KIZ: variants seen among roughly 807,000 people sequenced by gnomAD.
The protein encoded by KIZ is kizuna centrosomal protein.
In KIZ, 68 loss-of-function variants were observed where a neutral mutation model predicts 79.6. The observed-to-expected ratio is 0.85, with a 90% CI of 0.70 to 1.05. The LOEUF (loss-of-function observed/expected upper bound fraction) is 1.05, where lower values mean the gene tolerates loss of function less well. Among genes scored for constraint, KIZ ranks in the 50% least tolerant of loss-of-function variants. The probability of loss-of-function intolerance (pLI) is 0.00; values close to 1 mark genes in which losing one functional copy is unlikely to be tolerated. For missense variants in KIZ, 797 were observed against 800.4 expected (o/e 1.00, Z 0.05); for synonymous variants, 280 against 281.8 (o/e 0.99, Z 0.06).
At chr20:21,148,389 A>C (rs2032955973) in intron 4 of KIZ, among the ~76,000 whole-genome samples, 1 of 152,188 alleles carries the variant, frequency 6.6e-6, no homozygotes, top group African/African-American at 2.4e-5. Context: ...ATTTGCTTGC[A>C]TCCAGTAGTT....
chr20:21,127,978 G>A (rs1328416509), intron 1 of KIZ, among the ~76,000 whole-genome samples: 1 of 152,186 alleles, frequency 6.6e-6, no homozygotes, highest in East Asian at 1.9e-4. Flanking sequence ...ATTATTGTCT[G>A]TATCCAATTT....
chr20:21,131,183 G>C (rs1366830242), intron 1 of KIZ, among the ~76,000 whole-genome samples: 1 of 152,144 alleles, frequency 6.6e-6, no homozygotes, highest in Non-Finnish European at 1.5e-5. Context: ...CCAGCCCCCT[G>C]GTTTTGGCTG....
At position 21,246,557 on chromosome 20, in the gene KIZ, C is replaced by G; in HGVS notation, c.2003C>G (p.Ser668Cys). 1 of 1,606,826 alleles carries G rather than the reference C, an allele frequency of 6.2e-7. No homozygotes were observed. Among genetic ancestry groups the G allele is most frequent in the Non-Finnish European group, 8.5e-7 (1 of 1,173,928 alleles). The change falls in exon 13 of 13, where the codon TCT becomes TGT. Residue 668 changes from serine to cysteine, a missense_variant. By Grantham distance (112) the Ser-to-Cys change is moderately radical (BLOSUM62 -1). Coordinates refer to ENST00000619189, the MANE Select transcript of KIZ (RefSeq NM_018474.6). ...LRPRNHNTDD[S>C]DDFYD is the part of the protein sequence containing the mutation. ...CCCAGAAACCATAACACCGATGATT[C>G]TGATGATTTTTATGACTAACGTGCT... is the stretch of plus-strand genomic sequence containing the variant.
intron 5 of KIZ, 46 bp from the exon 6 acceptor site, chr20:21,162,804 C>T: frequency 1.3e-6 from 2 of 1,494,886 alleles, no homozygotes; most frequent in Non-Finnish European, 9.2e-7. Flanking sequence ...ACCTTGCTTC[C>T]TCCTGAAGTC....
At chr20:21,157,099 A>T (rs1467720598) in intron 4 of KIZ, among the ~76,000 whole-genome samples, 1 of 152,136 alleles carries the variant, frequency 6.6e-6, no homozygotes, top group Non-Finnish European at 1.5e-5. Context: ...TATAAATAAA[A>T]AAAAAATTGT....
rs2033753339 is a variant in KIZ at position 21,163,012 on chromosome 20, T to A, written c.1205T>A (p.Met402Lys). 1.2e-6 allele frequency: 2 copies of A among 1,613,762 alleles called. No individual in the cohort carries two copies. The highest frequency in any genetic ancestry group is 1.3e-5 in the African/African-American group (1 of 74,904). Residue 402 changes from methionine (M) to lysine (K), a missense_variant, in exon 6 of 13, where the codon ATG becomes AAG. Met to Lys is a moderately conservative substitution (Grantham distance 95). Coordinates refer to ENST00000619189, the MANE Select transcript of KIZ (RefSeq NM_018474.6). ...PEPQPNPGGK[M>K]EGEDGIEALK... The stretch of plus-strand genomic sequence containing the variant: ...CCACAGCCAAATCCAGGTGGCAAGA[T>A]GGAGGGAGAAGATGGAATAGAGGCC...
intron 6 of KIZ, among the ~76,000 whole-genome samples, chr20:21,182,088 C>G (rs1158901592): frequency 1.3e-5 from 2 of 152,142 alleles, no homozygotes; most frequent in African/African-American, 4.8e-5. Context: ...TTGTGTCCCT[C>G]TAAAATTCAT....
At chr20:21,209,598 A>C (rs925647524) in intron 7 of KIZ, among the ~76,000 whole-genome samples, 2 of 152,254 alleles carry the variant, frequency 1.3e-5, no homozygotes, top group African/African-American at 2.4e-5. Context: ...ATTGCTACAC[A>C]GGTAAAATCC....
chr20:21,128,490 C>T (rs1262344014), intron 1 of KIZ, among the ~76,000 whole-genome samples: 7 of 152,158 alleles, frequency 4.6e-5, no homozygotes, highest in African/African-American at 1.7e-4. Flanking sequence ...TTTCTCAGCC[C>T]TTTTAGAGGT....
intron 6 of KIZ, among the ~76,000 whole-genome samples, chr20:21,177,654 A>C (rs1233532058): frequency 6.6e-6 from 1 of 152,072 alleles, no homozygotes; most frequent in Non-Finnish European, 1.5e-5. Context: ...AATCTTTGCC[A>C]AGGCCAATGT....
chr20:21,161,253 T>A (rs2033639603), intron 4 of KIZ, among the ~76,000 whole-genome samples: 1 of 152,240 alleles, frequency 6.6e-6, no homozygotes, highest in Non-Finnish European at 1.5e-5. Context: ...ATACATAATT[T>A]ACAATATTTT....
At chr20:21,139,581 C>G (rs1374869430) in intron 3 of KIZ, among the ~76,000 whole-genome samples, 2 of 151,998 alleles carry the variant, frequency 1.3e-5, no homozygotes, top group African/African-American at 4.8e-5. Flanking sequence ...AATAATAGAA[C>G]ATTTCTGCTT....
chr20:21,146,823 T>C (rs966560574), intron 4 of KIZ, among the ~76,000 whole-genome samples: 10 of 151,646 alleles, frequency 6.6e-5, no homozygotes, highest in Non-Finnish European at 1.3e-4. Flanking sequence ...CCTCATAGAT[T>C]AAAAAATTAA....
chr20:21,214,723 TC>T, intron 8 of KIZ, 23 bp downstream of exon 8: 1 of 1,574,534 alleles, frequency 6.4e-7, no homozygotes, highest in Non-Finnish European at 8.7e-7. Flanking sequence ...AAAGTGTGTG[TC>T]CACAGCAAAA....
chr20:21,224,341 T>G (rs1408158737), intron 9 of KIZ, among the ~76,000 whole-genome samples: 1 of 152,250 alleles, frequency 6.6e-6, no homozygotes, highest in African/African-American at 2.4e-5. Context: ...ATAATATTTA[T>G]CTTTTGAAGT....
chr20:21,160,001 C>T (rs1425426086), intron 4 of KIZ, among the ~76,000 whole-genome samples: 1 of 152,206 alleles, frequency 6.6e-6, no homozygotes, highest in Non-Finnish European at 1.5e-5. Context: ...TCTCCACATC[C>T]TGGACTACAC....
intron 10 of KIZ, among the ~76,000 whole-genome samples, chr20:21,229,853 G>C (rs992153475): frequency 6.6e-6 from 1 of 152,182 alleles, no homozygotes; most frequent in African/African-American, 2.4e-5. Flanking sequence ...TGGGATTACA[G>C]GTGTGAGCCA....
At chr20:21,233,546 C>T (rs1042089058) in intron 11 of KIZ, among the ~76,000 whole-genome samples, 10 of 152,176 alleles carry the variant, frequency 6.6e-5, no homozygotes, top group African/African-American at 2.4e-4. Context: ...TTTAAAATGG[C>T]ATAGCAACTT....
chr20:21,141,965 CT>C (rs1256030315), intron 3 of KIZ, among the ~76,000 whole-genome samples: 4 of 151,420 alleles, frequency 2.6e-5, no homozygotes, highest in African/African-American at 9.7e-5. Flanking sequence ...TATCTCTCCC[CT>C]GTCTCCTATT....
Sources: gnomAD v4.1 joint callset for allele counts (sites outside exome capture counted in the v4.1 genomes callset) on GRCh38, gnomAD v4.1.1 for gene constraint, MANE v1.5 for transcripts, NCBI Gene and HGNC (gene_info 2026-07-23, HGNC 2026-07-21) for gene names.